The following WWP2 variants were observed in gnomAD, a reference collection of about 807,000 sequenced individuals.
WWP2 encodes NEDD4-like E3 ubiquitin-protein ligase WWP2.
WWP2 carries 57 observed loss-of-function variants against 121.0 expected under a neutral mutation model. The observed-to-expected ratio is 0.47, with a 90% CI of 0.38 to 0.59. The LOEUF is 0.59. Ranked by LOEUF, WWP2 falls within the 20% of genes least tolerant of loss-of-function variation. WWP2 has a pLI of 0.00. For missense variants in WWP2, 962 were observed against 1,158.9 expected (o/e 0.83, Z 2.47); for synonymous variants, 449 against 441.3 (o/e 1.02, Z -0.22).
At chr16:69,791,667 CA>C (rs1156385250) in intron 2 of WWP2, among the ~76,000 whole-genome samples, 1 of 152,208 alleles carries the variant, frequency 6.6e-6, no homozygotes, top group African/African-American at 2.4e-5. Context: ...TTTAGGCATA[CA>C]CTACCATACT....
intron 4 of WWP2, among the ~76,000 whole-genome samples, chr16:69,813,539 C>T (rs775187046): frequency 3.3e-5 from 5 of 152,162 alleles, no homozygotes; most frequent in East Asian, 1.9e-4. Context: ...AGTGCAGTAG[C>T]GCAATCTCAG....
Position 69,931,678 on chromosome 16 carries a change from T to C in WWP2, c.1593+98T>C, listed in dbSNP as rs968174317. On this transcript the variant is annotated intron_variant, in intron 15 of 23. Transcript: ENST00000359154. ...CCTGTTAAACCCACACTGCAGACTT[T>C]CCAGGGCGTGAGTCTTGGTGACTGT... The C allele has an allele frequency of 1.2e-5, 19 of 1,584,322 alleles. No homozygotes were observed. The African/African-American group carries it at 1.9e-4, about 16-fold the overall frequency.
chr16:69,821,369 A>AT (rs1286192321), intron 4 of WWP2, among the ~76,000 whole-genome samples: 1 of 152,180 alleles, frequency 6.6e-6, no homozygotes, highest in Non-Finnish European at 1.5e-5. Flanking sequence ...TCAAAAAGTA[A>AT]ACACGGAGGC....
intron 6 of WWP2, among the ~76,000 whole-genome samples, chr16:69,853,748 G>T (rs938461245): frequency 6.6e-6 from 1 of 152,200 alleles, no homozygotes; most frequent in African/African-American, 2.4e-5. Flanking sequence ...TAATTAAGCA[G>T]GACTGCATGG....
In WWP2 at chr16:69,934,039, G is replaced by A; in HGVS notation, c.1752G>A (p.Lys584=). The part of the protein sequence containing the change: ...PMYCLFEYAG[K]NNYCLQINPA... ...ATTGTTTATTTGAATATGCCGGAAAGAACAATTACTGCCTGCAGATCAACC... is the reference window on the plus strand; with the variant it reads ...ATTGTTTATTTGAATATGCCGGAAAAAACAATTACTGCCTGCAGATCAACC... The change falls in exon 17 of 24, where the codon AAG becomes AAA. Residue 584 remains lysine, a synonymous_variant. Coordinates refer to ENST00000359154, the MANE Select transcript of WWP2 (RefSeq NM_001270454.2). The A allele has an allele frequency of 6.2e-7, 1 of 1,614,130 alleles. No individual in the cohort carries two copies. The highest frequency in any genetic ancestry group is 8.5e-7 in the Non-Finnish European group (1 of 1,180,018).
At position 69,829,274 on chromosome 16, in the gene WWP2, C is replaced by T. The variant is rs146909845; in HGVS notation, c.341-10852C>T. Among the ~76,000 whole-genome samples the T allele has an allele frequency of 2.2e-3, 338 of 152,288 alleles. 2 individuals are homozygous for T. Among genetic ancestry groups the T allele is most frequent in the South Asian group, 5.6e-3 (27 of 4,830 alleles). On this transcript the variant is annotated intron_variant, in intron 4 of 23. Transcript: ENST00000359154. ...TGTTTCTGTCCTTCCTTTCCTCCGG[C>T]TTGTTTTCCACACCAAAGCCAGAAT...
chr16:69,843,216 C>T (rs2057011717), intron 6 of WWP2, among the ~76,000 whole-genome samples: 1 of 151,976 alleles, frequency 6.6e-6, no homozygotes, highest in Non-Finnish European at 1.5e-5. Context: ...TTGGGGGTGG[C>T]CCATGGTTCC....
intron 2 of WWP2, among the ~76,000 whole-genome samples, chr16:69,790,366 A>G (rs181228689): frequency 5.3e-5 from 8 of 152,286 alleles, no homozygotes; most frequent in Admixed American, 5.2e-4. Flanking sequence ...GGAGGAAAAA[A>G]ATTTTACTAT....
Position 69,799,730 on chromosome 16 carries a change from G to A in WWP2, c.340+435G>A, listed in dbSNP as rs373194435. Among the ~76,000 whole-genome samples the A allele has an allele frequency of 9.8e-5, 15 of 152,328 alleles. No homozygotes were observed. The East Asian group carries it at 2.5e-3, about 25-fold the overall frequency. ...TGCATGCCTGTGTGCATGTGTGCACGTGTGTGTCTGGGATAGTATTACAAA... is the reference window on the plus strand; with the variant it reads ...TGCATGCCTGTGTGCATGTGTGCACATGTGTGTCTGGGATAGTATTACAAA... On this transcript the variant is annotated intron_variant, in intron 4 of 23. Coordinates refer to ENST00000359154, the MANE Select transcript of WWP2 (RefSeq NM_001270454.2). The surrounding 1 kb of genome is among the most constrained non-coding windows in gnomAD (Gnocchi z 4.5).
chr16:69,874,313 C>T (rs2057697278), intron 7 of WWP2, among the ~76,000 whole-genome samples: 1 of 152,100 alleles, frequency 6.6e-6, no homozygotes, highest in South Asian at 2.1e-4. Context: ...AGAGGGGGGT[C>T]GAGGGTGTGA....
intron 1 of WWP2, among the ~76,000 whole-genome samples, chr16:69,771,008 AG>A (rs912501695): frequency 6.5e-4 from 98 of 150,908 alleles, no homozygotes; most frequent in African/African-American, 2.2e-3. Flanking sequence ...GTGTTGTGAG[AG>A]TATAGCAGGA....
At chr16:69,893,883 C>G (rs1242673469) in intron 8 of WWP2, among the ~76,000 whole-genome samples, 1 of 152,106 alleles carries the variant, frequency 6.6e-6, no homozygotes, top group Non-Finnish European at 1.5e-5. Flanking sequence ...ATCGCTCTTC[C>G]TGCACTGGCA....
intron 9 of WWP2, chr16:69,910,114 T>C (rs2058357812): frequency 6.3e-6 from 1 of 159,022 alleles, no homozygotes; most frequent in African/African-American, 2.4e-5. Context: ...TAACTCCCGA[T>C]CTGTAACCCC....
intron 4 of WWP2, among the ~76,000 whole-genome samples, chr16:69,822,533 G>A (rs556048948): frequency 6.7e-6 from 1 of 148,474 alleles, no homozygotes; most frequent in Non-Finnish European, 1.5e-5. Context: ...CCTGGGTGGG[G>A]TGTGTGTGTG....
At chr16:69,904,188 G>T (rs1276861207) in intron 8 of WWP2, among the ~76,000 whole-genome samples, 1 of 152,220 alleles carries the variant, frequency 6.6e-6, no homozygotes, top group Admixed American at 6.5e-5. Context: ...TTACCGAGCA[G>T]ACAGAAGGTA....
chr16:69,896,727 ATT>A (rs377065935), intron 8 of WWP2, among the ~76,000 whole-genome samples: 3,432 of 143,138 alleles, frequency 0.024, 105 homozygotes, highest in African/African-American at 0.073. Context: ...GCTTGTGTGT[ATT>A]TTTTTTTTTT....
chr16:69,933,210 A>C (rs1156909744), intron 16 of WWP2: 1 of 457,880 alleles, frequency 2.2e-6, no homozygotes, highest in Admixed American at 2.4e-5. Flanking sequence ...TCGTCTGCCC[A>C]GCCACAAACA....
chr16:69,912,373 A>ACACACG (rs2058392992), intron 9 of WWP2, among the ~76,000 whole-genome samples: 1 of 13,360 alleles, frequency 7.5e-5, no homozygotes. Context: ...TTAGATTCAC[A>ACACACG]CACACACACA....
At chr16:69,782,240 G>A (rs140144428) in intron 1 of WWP2, among the ~76,000 whole-genome samples, 56 of 152,216 alleles carry the variant, frequency 3.7e-4, no homozygotes, top group African/African-American at 1.2e-3. Context: ...CCAAGATAGC[G>A]CCACTGCACT....
Sources: allele counts gnomAD v4.1 joint callset (sites outside exome capture counted in the v4.1 genomes callset), GRCh38; gene constraint gnomAD v4.1.1; non-coding constraint Gnocchi (gnomAD v3.1); transcripts MANE v1.5; gene names NCBI Gene and HGNC (gene_info 2026-07-23, HGNC 2026-07-21).